CTHRC1: variants seen among roughly 807,000 people sequenced by gnomAD.
CTHRC1 encodes collagen triple helix repeat-containing protein 1.
In CTHRC1, 21 loss-of-function variants were observed where a neutral mutation model predicts 25.9. That is an observed-to-expected ratio of 0.81 (90% CI 0.57 to 1.17). CTHRC1 has a LOEUF of 1.17. Among genes scored for constraint, CTHRC1 ranks in the 50% most tolerant of loss-of-function variants. The pLI is 0.00. For synonymous variants in CTHRC1, 109 were observed against 113.1 expected (o/e 0.96, Z 0.23); for missense variants, 281 against 304.3 (o/e 0.92, Z 0.57).
At chr8:103,371,829 G>A in intron 1 of CTHRC1, 23 bp downstream of exon 1, 1 of 1,482,276 alleles carries the variant, frequency 6.7e-7, no homozygotes, top group Non-Finnish European at 8.9e-7. Context: ...GAGCCGAGCC[G>A]GGACCGCCGC....
At chr8:103,372,712 C>T (rs1474778068) in intron 1 of CTHRC1, 15 of 1,487,584 alleles carry the variant, frequency 1.0e-5, no homozygotes, top group Non-Finnish European at 1.3e-5. Flanking sequence ...CAGTGGAGGG[C>T]GGAGAGGTTC....
Position 103,380,738 on chromosome 8 carries a change from G to A in CTHRC1, c.590-1720G>A, listed in dbSNP as rs148565489. 2.6e-5 allele frequency among the ~76,000 whole-genome samples: 4 copies of A among 152,328 alleles called. No homozygotes were observed. The East Asian group carries it at 5.8e-4, about 22-fold the overall frequency. The stretch of plus-strand genomic sequence containing the variant: ...GATGCAAGACCCAAGCTTGTCTGAC[G>A]TCCTTAGGCCGTAGGGGGAAGTGAA... On this transcript the variant is annotated intron_variant, in intron 3 of 3. Coordinates refer to ENST00000330295, the MANE Select transcript of CTHRC1 (RefSeq NM_138455.4).
At chr8:103,376,574 T>C (rs1815810875) in intron 2 of CTHRC1, among the ~76,000 whole-genome samples, 1 of 152,244 alleles carries the variant, frequency 6.6e-6, no homozygotes, top group African/African-American at 2.4e-5. Flanking sequence ...TAGTGTTTGC[T>C]TCAAAAGTAA....
intron 1 of CTHRC1, among the ~76,000 whole-genome samples, chr8:103,374,486 A>G (rs1027657240): frequency 9.2e-5 from 14 of 152,184 alleles, no homozygotes; most frequent in African/African-American, 3.1e-4. Context: ...AGCTGAACCA[A>G]TTCAGGTGTA....
chr8:103,381,930 G>A lies in CTHRC1; in HGVS notation c.590-528G>A, dbSNP rs927275215. On this transcript the variant is annotated intron_variant, in intron 3 of 3. Coordinates refer to ENST00000330295, the MANE Select transcript of CTHRC1 (RefSeq NM_138455.4). Reference sequence around the variant, plus strand: ...GGAAAATTGCTTGAACGTGGGAAGCGGAGGTTGCGGTGCACTGAGATTGCG... The same window carrying A: ...GGAAAATTGCTTGAACGTGGGAAGCAGAGGTTGCGGTGCACTGAGATTGCG... Among the ~76,000 whole-genome samples, 13 of 151,954 alleles carry A rather than the reference G, an allele frequency of 8.6e-5. 1 individual carries two copies. The highest frequency in any genetic ancestry group is 2.2e-4 in the African/African-American group (9 of 41,338).
chr8:103,382,780 A>G lies in CTHRC1; in HGVS notation c.*180A>G, dbSNP rs1295745066. ...TAGCATTATTCATTTTGCTTCAATC[A>G]AAAGTGGTTTCAATATTTTTTTTAG... On this transcript the variant is annotated 3_prime_UTR_variant, in exon 4 of 4. Coordinates refer to ENST00000330295, the MANE Select transcript of CTHRC1 (RefSeq NM_138455.4). 3.0e-6 allele frequency: 2 copies of G among 660,038 alleles called. No individual in the cohort carries two copies. The highest frequency in any genetic ancestry group is 3.6e-5 in the African/African-American group (2 of 55,514). 40.9% of individuals were successfully genotyped at this position (660,038 alleles called of 1,614,324 possible).
At chr8:103,372,564 G>A in intron 1 of CTHRC1, 1 of 1,598,392 alleles carries the variant, frequency 6.3e-7, no homozygotes, top group Non-Finnish European at 8.5e-7. Context: ...GTGGCCGCCA[G>A]GTAGGAGCAT....
intron 1 of CTHRC1, among the ~76,000 whole-genome samples, chr8:103,375,146 C>T (rs1222571323): frequency 2.0e-5 from 3 of 152,104 alleles, no homozygotes; most frequent in Non-Finnish European, 2.9e-5. Context: ...CAGGGAGAAG[C>T]AGGGATTTTC....
At position 103,382,701 on chromosome 8, in the gene CTHRC1, G is replaced by C. The variant is rs750654438; in HGVS notation, c.*101G>C. On this transcript the variant is annotated 3_prime_UTR_variant, in exon 4 of 4. Transcript: ENST00000330295. ...GTTTATGTATACATCTGAATGAAAA[G>C]CAAAGCTAAATATGTTTACAGACCA... is the stretch of plus-strand genomic sequence containing the variant. 1 of 1,050,906 alleles carries C rather than the reference G, an allele frequency of 9.5e-7. No individual in the cohort carries two copies. Among genetic ancestry groups the C allele is most frequent in the East Asian group, 2.4e-5 (1 of 42,148 alleles). 65.1% of individuals were successfully genotyped at this position (1,050,906 alleles called of 1,614,324 possible). A position where few individuals can be genotyped will look rare whatever the true frequency, so the allele number is the denominator to read the frequency against.
rs753600909 is a variant in CTHRC1, at chr8:103,382,507, C to G, written c.639C>G (p.Ile213Met). 63 of 1,613,452 alleles carry G rather than the reference C, an allele frequency of 3.9e-5. No individual in the cohort carries two copies. Among genetic ancestry groups the G allele is most frequent in the Middle Eastern group, 1.6e-4 (1 of 6,078 alleles). The stretch of plus-strand genomic sequence containing the variant: ...GTGCTGGATTAGTGGATGTTGCTAT[C>G]TGGGTTGGTACTTGTTCAGATTACC... The part of the protein sequence containing the change: ...GIGAGLVDVA[I>M]WVGTCSDYPK... The change falls in exon 4 of 4, where the codon ATC (isoleucine) becomes ATG (methionine). Residue 213 changes from isoleucine to methionine, a missense_variant. Ile to Met is a conservative substitution (Grantham distance 10). Transcript: ENST00000330295.
chr8:103,379,106 C>G (rs1398599364), intron 3 of CTHRC1, among the ~76,000 whole-genome samples: 2 of 152,306 alleles, frequency 1.3e-5, no homozygotes, highest in East Asian at 3.9e-4. Context: ...AGGGTGGATA[C>G]TGTCTGCTGA....
intron 1 of CTHRC1, chr8:103,372,358 T>G: frequency 9.0e-7 from 1 of 1,106,490 alleles, no homozygotes; most frequent in Non-Finnish European, 1.2e-6. Flanking sequence ...ATGAGTCACG[T>G]TGGGTCATCT....
chr8:103,379,903 CCT>C (rs372397525), intron 3 of CTHRC1, among the ~76,000 whole-genome samples: 389 of 152,280 alleles, frequency 2.6e-3, no homozygotes, highest in African/African-American at 9.0e-3. Flanking sequence ...ATTTTAACCC[CCT>C]CTCTTTGCAT....
intron 3 of CTHRC1, among the ~76,000 whole-genome samples, chr8:103,380,811 T>C (rs931764990): frequency 1.3e-5 from 2 of 152,194 alleles, no homozygotes; most frequent in Non-Finnish European, 2.9e-5. Flanking sequence ...ACATGAGCAT[T>C]TGTAGGCATT....
chr8:103,380,699 C>T (rs532013443), intron 3 of CTHRC1, among the ~76,000 whole-genome samples: 12 of 152,336 alleles, frequency 7.9e-5, no homozygotes, highest in African/African-American at 2.9e-4. Flanking sequence ...ATTTGACTGT[C>T]CTCAGATGAG....
chr8:103,373,861 G>A (rs547797196), intron 1 of CTHRC1, among the ~76,000 whole-genome samples: 8 of 151,808 alleles, frequency 5.3e-5, no homozygotes, highest in Non-Finnish European at 7.4e-5. Flanking sequence ...GGGAATAATA[G>A]TGAAAAAAAT....
In CTHRC1 at chr8:103,382,456, A is replaced by C; in HGVS notation, c.590-2A>C. ...GATGTAACTTTCATCTTTGTCTTGCAGTGGAAGGACTTTGTGAAGGAATTG... is the reference window on the plus strand; with the variant it reads ...GATGTAACTTTCATCTTTGTCTTGCCGTGGAAGGACTTTGTGAAGGAATTG... On this transcript the variant is annotated splice_acceptor_variant, in intron 3 of 3. Coordinates refer to ENST00000330295, the MANE Select transcript of CTHRC1 (RefSeq NM_138455.4). LOFTEE classifies it high-confidence loss of function. The C allele has an allele frequency of 6.2e-7, 1 of 1,613,806 alleles. No individual in the cohort carries two copies. The highest frequency in any genetic ancestry group is 1.3e-5 in the African/African-American group (1 of 75,034).
At chr8:103,382,351 T>C in intron 3 of CTHRC1, 107 bp from the exon 4 acceptor site, 1 of 1,146,774 alleles carries the variant, frequency 8.7e-7, no homozygotes, top group East Asian at 2.4e-5. Context: ...TTAAGTAGCA[T>C]TACATTAAAC....
At chr8:103,372,281 G>C (rs1362399466) in intron 1 of CTHRC1, among the ~76,000 whole-genome samples, 1 of 152,198 alleles carries the variant, frequency 6.6e-6, no homozygotes, top group East Asian at 1.9e-4. Flanking sequence ...TGGTGGCCAC[G>C]TCTGCCTGCG....
Sources: allele counts gnomAD v4.1 joint callset (sites outside exome capture counted in the v4.1 genomes callset), GRCh38; gene constraint gnomAD v4.1.1; transcripts MANE v1.5; gene names NCBI Gene and HGNC (gene_info 2026-07-23, HGNC 2026-07-21).